Variants in RNASEK observed in about 807,000 individuals in gnomAD.
RNASEK encodes ribonuclease kappa.
In RNASEK, 7 loss-of-function variants were observed where a neutral mutation model predicts 11.2. The observed-to-expected ratio is 0.62, with a 90% CI of 0.35 to 1.17. The LOEUF is 1.17. RNASEK is among the 50% of genes most tolerant of loss of function. The pLI, the probability that RNASEK is intolerant of heterozygous loss-of-function variation, is 0.02. For missense variants in RNASEK, 101 were observed against 126.7 expected (o/e 0.80, Z 0.97); for synonymous variants, 46 against 49.5 (o/e 0.93, Z 0.30).
In RNASEK at chr17:7,014,335, C is replaced by A; in HGVS notation, c.*49C>A. The A allele has an allele frequency of 5.0e-6, 8 of 1,601,190 alleles. No individual in the cohort carries two copies. Among genetic ancestry groups the A allele is most frequent in the Non-Finnish European group, 5.1e-6 (6 of 1,171,500 alleles). On this transcript the variant is annotated 3_prime_UTR_variant, in exon 3 of 3. Transcript: ENST00000593646. This position sits in a 1 kb window ranked among gnomAD's most constrained non-coding sequence, Gnocchi z 4.5. Reference sequence around the variant, plus strand: ...CAGCCCCTCCTCTATTTAAAGACTCCCTGCACCGTGTCACCCAGGTCGCGT... The same window carrying A: ...CAGCCCCTCCTCTATTTAAAGACTCACTGCACCGTGTCACCCAGGTCGCGT...
rs1311229727 is a variant in RNASEK at position 7,014,453 on chromosome 17, G to A, written c.*167G>A. On this transcript the variant is annotated 3_prime_UTR_variant, in exon 3 of 3. Coordinates refer to ENST00000593646, the MANE Select transcript of RNASEK (RefSeq NM_001004333.5). This position sits in a 1 kb window ranked among gnomAD's most constrained non-coding sequence, Gnocchi z 4.5. ...CTCTGGCATCCGGCCCCCGTGGAGA[G>A]GGCTGAGGCTGGGGGGCTGTTCCGT... 4.3e-6 allele frequency: 3 copies of A among 701,574 alleles called. No individual in the cohort carries two copies. The highest frequency in any genetic ancestry group is 5.6e-5 in the Admixed American group (2 of 35,622). 43.5% of individuals were successfully genotyped at this position (701,574 alleles called of 1,614,324 possible). A position where few individuals can be genotyped will look rare whatever the true frequency, so the allele number is the denominator to read the frequency against.
chr17:7,012,794 G>C, intron 1 of RNASEK, 33 bp downstream of exon 1: 1 of 1,595,734 alleles, frequency 6.3e-7, no homozygotes, highest in South Asian at 1.1e-5. Flanking sequence ...ATCGGAGAGG[G>C]CCTGAGGGGC....
chr17:7,013,688 A>T lies in RNASEK; in HGVS notation c.101A>T (p.Asn34Ile). The T allele has an allele frequency of 6.4e-7, 1 of 1,563,632 alleles. No homozygotes were observed. Among genetic ancestry groups the T allele is most frequent in the Non-Finnish European group, 8.7e-7 (1 of 1,148,582 alleles). Residue 34 changes from asparagine to isoleucine, a missense_variant, in exon 2 of 3, where the codon AAT (asparagine) becomes ATT (isoleucine). Physicochemically the swap from Asn to Ile is moderately radical, Grantham distance 149 (BLOSUM62 -3). Transcript: ENST00000593646. ...CAGATAATGCTCGGAATATTTTTCA[A>T]TGTCCATTCCGCTGTGTTGATTGAG... Reference protein sequence around the residue: ...IMLIMLGIFFNVHSAVLIEDV... With the variant: ...IMLIMLGIFFIVHSAVLIEDV...
chr17:7,014,111 A>C lies in RNASEK; in HGVS notation c.156-34A>C, dbSNP rs1034926380. On this transcript the variant is annotated intron_variant, in intron 2 of 2. Transcript: ENST00000593646. The surrounding 1 kb of genome is among the most constrained non-coding windows in gnomAD (Gnocchi z 4.5). ...GCTCAGAAAATGTTGGCTCCTATTA[A>C]AGTTTGACCCCTTTGCTTCATTCCC... The C allele has an allele frequency of 4.0e-5, 62 of 1,549,612 alleles. No homozygotes were observed. The highest frequency in any genetic ancestry group is 5.1e-5 in the Non-Finnish European group (58 of 1,145,250).
chr17:7,012,848 G>A, intron 1 of RNASEK, 87 bp downstream of exon 1: 7 of 1,292,468 alleles, frequency 5.4e-6, no homozygotes, highest in Non-Finnish European at 7.6e-6. Context: ...CTGGGCCGCA[G>A]GCAGGCCGGA....
chr17:7,014,474 T>TCA lies in RNASEK; in HGVS notation c.*189_*190insAC. On this transcript the variant is annotated 3_prime_UTR_variant, in exon 3 of 3. Transcript: ENST00000593646. The surrounding 1 kb of genome is among the most constrained non-coding windows in gnomAD (Gnocchi z 4.5). ...GAGAGGGCTGAGGCTGGGGGGCTGT[T>TCA]CCGTTTCTCCACCCTTCGCTGTGTC... The TCA allele has an allele frequency of 3.7e-6, 2 of 533,528 alleles. No individual in the cohort carries two copies. Among genetic ancestry groups the TCA allele is most frequent in the South Asian group, 4.1e-5 (2 of 48,294 alleles). The allele number at this position is 533,528 out of a possible 1,614,324, so 33.0% of individuals were successfully genotyped here. A position where few individuals can be genotyped will look rare whatever the true frequency, so the allele number is the denominator to read the frequency against.
chr17:7,013,258 G>A, intron 1 of RNASEK: 1 of 1,272,652 alleles, frequency 7.9e-7, no homozygotes, highest in Non-Finnish European at 1.1e-6. Context: ...TTGAATGGAG[G>A]ACATGGGAGG....
In RNASEK at chr17:7,012,830, A is replaced by T. The variant is rs1909501708; in HGVS notation, c.78+69A>T. The T allele has an allele frequency of 4.8e-6, 7 of 1,463,312 alleles. 2 individuals are homozygous for T. In the South Asian group the frequency reaches 5.8e-5, roughly 12 times the overall value. 90.6% of individuals were successfully genotyped at this position (1,463,312 alleles called of 1,614,324 possible). A position where few individuals can be genotyped will look rare whatever the true frequency, so the allele number is the denominator to read the frequency against. On this transcript the variant is annotated intron_variant, in intron 1 of 2. Transcript: ENST00000593646. ...TCCGGGCTGGGAGGGCTGGGAGGCG[A>T]GGAAACTCTGGGCCGCAGGCAGGCC...
At position 7,013,756 on chromosome 17, in the gene RNASEK, TG is replaced by T; in HGVS notation, c.155+19del. ...GAAAGATTTTGAGTAAGTATTCGGGTGGGGGAGGCGGGCTGGGAGCAGGTGG... is the reference window on the plus strand; with the variant it reads ...GAAAGATTTTGAGTAAGTATTCGGGTGGGGAGGCGGGCTGGGAGCAGGTGG... On this transcript the variant is annotated intron_variant, in intron 2 of 2. Transcript: ENST00000593646. 2 of 836,820 alleles carry T rather than the reference TG, an allele frequency of 2.4e-6. No individual in the cohort carries two copies. Among genetic ancestry groups the T allele is most frequent in the Non-Finnish European group, 3.8e-6 (2 of 527,742 alleles). 51.8% of individuals were successfully genotyped at this position (836,820 alleles called of 1,614,324 possible). A position where few individuals can be genotyped will look rare whatever the true frequency, so the allele number is the denominator to read the frequency against.
intron 1 of RNASEK, 31 bp downstream of exon 1, chr17:7,012,792 G>A (rs768923918): frequency 6.3e-7 from 1 of 1,595,680 alleles, no homozygotes; most frequent in South Asian, 1.1e-5. Flanking sequence ...GGATCGGAGA[G>A]GGCCTGAGGG....
rs1909650658 is a variant in RNASEK, at chr17:7,014,312, G to GC, written c.*30dup. On this transcript the variant is annotated 3_prime_UTR_variant, in exon 3 of 3. Coordinates refer to ENST00000593646, the MANE Select transcript of RNASEK (RefSeq NM_001004333.5). The surrounding 1 kb of genome is among the most constrained non-coding windows in gnomAD (Gnocchi z 4.5). ...GGCCCCGGCGCGTTTCCCCGCTCCA[G>GC]CCCCTCCTCTATTTAAAGACTCCCT... 2 of 1,612,570 alleles carry GC rather than the reference G, an allele frequency of 1.2e-6. No homozygotes were observed. Among genetic ancestry groups the GC allele is most frequent in the Admixed American group, 1.7e-5 (1 of 59,960 alleles).
At chr17:7,013,608 G>T (rs1909588566) in intron 1 of RNASEK, 58 bp from the exon 2 acceptor site, 1 of 1,593,542 alleles carries the variant, frequency 6.3e-7, no homozygotes, top group Non-Finnish European at 8.6e-7. Context: ...AGGGGTTTAC[G>T]AAGTGAACAT....
Position 7,014,364 on chromosome 17 carries a change from A to C in RNASEK, c.*78A>C, listed in dbSNP as rs1597332683. 6.6e-7 allele frequency: 1 copy of C among 1,510,802 alleles called. No individual in the cohort carries two copies. The allele number at this position is 1,510,802 out of a possible 1,614,324, so 93.6% of individuals were successfully genotyped here. ...CACCGTGTCACCCAGGTCGCGTCCC[A>C]CCCTTGCCGGCGCCCTCTGCGGGAC... On this transcript the variant is annotated 3_prime_UTR_variant, in exon 3 of 3. Transcript: ENST00000593646. This position sits in a 1 kb window ranked among gnomAD's most constrained non-coding sequence, Gnocchi z 4.5.
At position 7,014,084 on chromosome 17, in the gene RNASEK, G is replaced by C; in HGVS notation, c.156-61G>C. 1 of 1,493,230 alleles carries C rather than the reference G, an allele frequency of 6.7e-7. No individual in the cohort carries two copies. Among genetic ancestry groups the C allele is most frequent in the Non-Finnish European group, 9.1e-7 (1 of 1,094,352 alleles). The allele number at this position is 1,493,230 out of a possible 1,614,324, so 92.5% of individuals were successfully genotyped here. ...CGCCTAAACAGGTGTCGGGCACATA[G>C]TGCTCAGAAAATGTTGGCTCCTATT... is the stretch of plus-strand genomic sequence containing the variant. On this transcript the variant is annotated intron_variant, in intron 2 of 2. Transcript: ENST00000593646. This position sits in a 1 kb window ranked among gnomAD's most constrained non-coding sequence, Gnocchi z 4.5.
At position 7,014,230 on chromosome 17, in the gene RNASEK, G is replaced by A. The variant is rs370065667; in HGVS notation, c.241G>A (p.Gly81Ser). 9.9e-6 allele frequency: 16 copies of A among 1,612,854 alleles called. No individual in the cohort carries two copies. In the African/African-American group the frequency reaches 1.9e-4, roughly 19 times the overall value. Residue 81 changes from glycine (G) to serine (S), a missense_variant, in exon 3 of 3, where the codon GGC (glycine) becomes AGC (serine). Transcript: ENST00000593646. This position sits in a 1 kb window ranked among gnomAD's most constrained non-coding sequence, Gnocchi z 4.5. Reference sequence around the variant, plus strand: ...TGCAGGCCTTTACCTCCTCCTCGGAGGCTTCTCTTTCTGCCAAGTTCGGCT... The same window carrying A: ...TGCAGGCCTTTACCTCCTCCTCGGAAGCTTCTCTTTCTGCCAAGTTCGGCT... Reference protein sequence around the residue: ...IAAGLYLLLGGFSFCQVRLNK... With the variant: ...IAAGLYLLLGSFSFCQVRLNK...
intron 1 of RNASEK, 187 bp from the exon 2 acceptor site, chr17:7,013,479 C>T: frequency 1.3e-6 from 2 of 1,552,000 alleles, no homozygotes; most frequent in South Asian, 2.3e-5. Flanking sequence ...TTGCCTCGAC[C>T]ACTTGTCTCA....
chr17:7,012,773 C>T lies in RNASEK; in HGVS notation c.78+12C>T. On this transcript the variant is annotated intron_variant, in intron 1 of 2. Transcript: ENST00000593646. ...GAGTGATCATGTTGGTGAGGGGACT[C>T]CCCGGCAAGGATCGGAGAGGGCCTG... is the stretch of plus-strand genomic sequence containing the variant. 6.2e-7 allele frequency: 1 copy of T among 1,610,942 alleles called. No individual in the cohort carries two copies. The highest frequency in any genetic ancestry group is 8.5e-7 in the Non-Finnish European group (1 of 1,179,290).
At chr17:7,013,182 GC>G (rs1324305024) in intron 1 of RNASEK, 1 of 601,294 alleles carries the variant, frequency 1.7e-6, no homozygotes, top group Non-Finnish European at 2.8e-6. Flanking sequence ...AGGAGCCAGG[GC>G]TGGTAAAGGT....
intron 1 of RNASEK, chr17:7,013,361 G>C: frequency 6.5e-7 from 1 of 1,530,798 alleles, no homozygotes; most frequent in Non-Finnish European, 8.7e-7. Context: ...ATATGAAGAA[G>C]TGCCGGTTCT....
Sources: gnomAD v4.1 joint callset for allele counts on GRCh38, gnomAD v4.1.1 for gene constraint, Gnocchi (gnomAD v3.1) non-coding constraint, MANE v1.5 for transcripts, NCBI Gene and HGNC (gene_info 2026-07-23, HGNC 2026-07-21) for gene names.